TAF4: variants seen among roughly 807,000 people sequenced by gnomAD.
TAF4 encodes TATA-box binding protein associated factor 4, also known as transcription initiation factor TFIID subunit 4.
Under a neutral mutation model 90.3 loss-of-function variants are expected in TAF4, and 9 were observed. That is an observed-to-expected ratio of 0.10 (90% CI 0.06 to 0.17). The LOEUF (loss-of-function observed/expected upper bound fraction) is 0.17. Ranked by LOEUF, TAF4 falls within the 10% of genes least tolerant of loss-of-function variation. The pLI is 1.00. For missense variants in TAF4, 1,351 were observed against 1,370.7 expected, an observed-to-expected ratio of 0.99 and a Z score of 0.23; for synonymous variants, 818 against 638.9, an observed-to-expected ratio of 1.28 and a Z score of -4.23.
chr20:62,036,305 G>A (rs749641571), intron 1 of TAF4, among the ~76,000 whole-genome samples: 3 of 152,262 alleles, frequency 2.0e-5, no homozygotes, highest in Admixed American at 1.3e-4. Flanking sequence ...GATGACAGGC[G>A]TGAGCCACCG....
chr20:61,993,038 G>A (rs890361296), intron 14 of TAF4, among the ~76,000 whole-genome samples: 3 of 152,154 alleles, frequency 2.0e-5, no homozygotes, highest in African/African-American at 7.2e-5. Flanking sequence ...TGGATATATG[G>A]AAGAAAACAT....
chr20:61,997,461 CCCT>C (rs2055670118), intron 14 of TAF4, 86 bp downstream of exon 14: 2 of 1,334,626 alleles, frequency 1.5e-6, no homozygotes, highest in East Asian at 5.5e-5. Flanking sequence ...AAGCAAATTC[CCCT>C]ATGTGTGTCC....
At chr20:62,034,198 T>C (rs2055919752) in intron 1 of TAF4, among the ~76,000 whole-genome samples, 1 of 152,148 alleles carries the variant, frequency 6.6e-6, no homozygotes, top group African/African-American at 2.4e-5. Context: ...ATGTAATAAA[T>C]TCTCTAGGTG....
chr20:61,988,964 G>A (rs1035379974), intron 14 of TAF4, among the ~76,000 whole-genome samples: 5 of 152,026 alleles, frequency 3.3e-5, no homozygotes, highest in Admixed American at 2.0e-4. Context: ...TCCTGGCGCC[G>A]CGACCCCAGC....
intron 1 of TAF4, among the ~76,000 whole-genome samples, chr20:62,032,134 C>T (rs2055907877): frequency 6.6e-6 from 1 of 152,220 alleles, no homozygotes; most frequent in Non-Finnish European, 1.5e-5. Context: ...GATCTGCTAA[C>T]TTAAAAACAG....
intron 9 of TAF4, among the ~76,000 whole-genome samples, chr20:62,002,015 C>T (rs370787882): frequency 6.6e-6 from 1 of 152,222 alleles, no homozygotes; most frequent in Admixed American, 6.5e-5. Context: ...CCTGCCGACA[C>T]ACTGAAACCC....
chr20:61,976,982 T>C (rs2055498695), intron 14 of TAF4, among the ~76,000 whole-genome samples: 1 of 152,210 alleles, frequency 6.6e-6, no homozygotes, highest in South Asian at 2.1e-4. Flanking sequence ...CCAGCTCCTG[T>C]GGAGAGCTCT....
chr20:62,030,648 A>G (rs1246183611), intron 1 of TAF4, among the ~76,000 whole-genome samples: 1 of 152,208 alleles, frequency 6.6e-6, no homozygotes, highest in East Asian at 1.9e-4. Flanking sequence ...ACCTCAGTAC[A>G]GCCTCCAATT....
intron 9 of TAF4, 152 bp downstream of exon 9, chr20:62,003,008 T>C: frequency 1.7e-6 from 1 of 587,366 alleles, no homozygotes; most frequent in South Asian, 2.4e-5. Flanking sequence ...TGTGTGAACG[T>C]GAGGTCAAAG....
intron 14 of TAF4, among the ~76,000 whole-genome samples, chr20:61,996,763 C>T (rs1042345500): frequency 1.3e-5 from 2 of 149,520 alleles, no homozygotes; most frequent in African/African-American, 2.5e-5. Context: ...CACGCCACTG[C>T]GCTCCCACCT....
chr20:62,027,545 C>G (rs141080323), intron 1 of TAF4, among the ~76,000 whole-genome samples: 1 of 152,232 alleles, frequency 6.6e-6, no homozygotes, highest in East Asian at 1.9e-4. Context: ...TGTGCCTACC[C>G]CAGGCCCATC....
chr20:62,050,911 C>T (rs2056023480), intron 1 of TAF4, among the ~76,000 whole-genome samples: 1 of 152,188 alleles, frequency 6.6e-6, no homozygotes, highest in South Asian at 2.1e-4. Flanking sequence ...TGCCACTACC[C>T]ACGCTGCCCT....
chr20:62,063,009 G>A (rs1051463898), intron 1 of TAF4, among the ~76,000 whole-genome samples: 9 of 152,166 alleles, frequency 5.9e-5, no homozygotes, highest in Non-Finnish European at 1.0e-4. Context: ...GATCAGCCAC[G>A]TTTCCTACTA....
At chr20:61,985,458 G>A (rs2055582128) in intron 14 of TAF4, among the ~76,000 whole-genome samples, 1 of 151,918 alleles carries the variant, frequency 6.6e-6, no homozygotes, top group Admixed American at 6.5e-5. Flanking sequence ...AAAAATGAAA[G>A]GATAAACAAG....
At chr20:62,022,293 G>A (rs1406577987) in intron 1 of TAF4, among the ~76,000 whole-genome samples, 2 of 152,140 alleles carry the variant, frequency 1.3e-5, no homozygotes, top group Non-Finnish European at 2.9e-5. Flanking sequence ...GGTCAGGGCT[G>A]GCTGCAGAAT....
At chr20:61,994,174 G>T (rs1379986671) in intron 14 of TAF4, among the ~76,000 whole-genome samples, 2 of 151,808 alleles carry the variant, frequency 1.3e-5, no homozygotes, top group Admixed American at 6.6e-5. Flanking sequence ...AACTCTAAGT[G>T]CTCTTCTCGA....
intron 1 of TAF4, among the ~76,000 whole-genome samples, chr20:62,052,597 G>A (rs892103904): frequency 3.3e-5 from 5 of 151,970 alleles, no homozygotes; most frequent in African/African-American, 7.2e-5. Flanking sequence ...TCTGGGCTGG[G>A]ATCTTGTCAC....
At chr20:61,994,476 A>G (rs547597778) in intron 14 of TAF4, among the ~76,000 whole-genome samples, 3 of 152,318 alleles carry the variant, frequency 2.0e-5, no homozygotes, top group Non-Finnish European at 2.9e-5. Context: ...TTCTTCCTAC[A>G]TTGTACCAGA....
rs551394370 is a variant in TAF4, at chr20:62,006,723, G to A, written c.2010C>T (p.Asp670=). The A allele has an allele frequency of 5.1e-6, 8 of 1,560,544 alleles. No individual in the cohort carries two copies. The African/African-American group carries it at 6.9e-5, about 13-fold the overall frequency. Residue 670 remains aspartate, a synonymous_variant, in exon 7 of 15, where the codon GAC becomes GAT. Coordinates refer to ENST00000252996, the MANE Select transcript of TAF4 (RefSeq NM_003185.4). This position sits in a 1 kb window ranked among gnomAD's most constrained non-coding sequence, Gnocchi z 7.0. The part of the protein sequence containing the change: ...SLPALRQLTP[D]SAAFIQQSQQ... ...GGCTCTGCTGGATGAAGGCCGCGGA[G>A]TCGGGGGTCAGCTGTCTCAAGGCGG...
Sources: allele counts gnomAD v4.1 joint callset (sites outside exome capture counted in the v4.1 genomes callset), GRCh38; gene constraint gnomAD v4.1.1; non-coding constraint Gnocchi (gnomAD v3.1); transcripts MANE v1.5; gene names NCBI Gene and HGNC (gene_info 2026-07-23, HGNC 2026-07-21).